Variants in ALKBH7 observed in about 807,000 individuals in gnomAD.
The protein encoded by ALKBH7 is alkB homolog 7, RNA demethylase, also known as RNA demethylase ALKBH7, mitochondrial.
In ALKBH7, 21 loss-of-function variants were observed where a neutral mutation model predicts 19.3. That is an observed-to-expected ratio of 1.09 (90% confidence interval 0.77 to 1.56). ALKBH7 has a LOEUF of 1.56. ALKBH7 is among the 40% of genes most tolerant of loss of function. The pLI, the probability that ALKBH7 is intolerant of heterozygous loss-of-function variation, is 0.00. For synonymous variants in ALKBH7, 147 were observed against 139.5 expected (o/e 1.05, Z -0.38); for missense variants, 354 against 311.4 (o/e 1.14, Z -1.03).
chr19:6,374,601 C>G lies in ALKBH7; in HGVS notation c.503+12C>G. ...CTCTACATCCTTAGGTACCTCCATC[C>G]AGGCAGCACCCACCCCTCCAAGAAT... is the stretch of plus-strand genomic sequence containing the variant. On this transcript the variant is annotated intron_variant, in intron 3 of 3. Transcript: ENST00000245812. The G allele has an allele frequency of 6.2e-7, 1 of 1,612,654 alleles. No individual in the cohort carries two copies. Among genetic ancestry groups the G allele is most frequent in the East Asian group, 2.2e-5 (1 of 44,878 alleles).
rs1381918302 is a variant in ALKBH7, at chr19:6,372,893, G to A, written c.73G>A (p.Val25Met). The A allele has an allele frequency of 1.3e-6, 2 of 1,552,164 alleles. No individual in the cohort carries two copies. Among genetic ancestry groups the A allele is most frequent in the Middle Eastern group, 2.3e-4 (1 of 4,364 alleles). Reference sequence around the variant, plus strand: ...CTGGGTGCGAGGCTCGGGCCCTTCCGTGCTGAGCCGCCTGCAGGACGCGGC... The same window carrying A: ...CTGGGTGCGAGGCTCGGGCCCTTCCATGCTGAGCCGCCTGCAGGACGCGGC... ...PSWVRGSGPSVLSRLQDAAVV... is the reference protein window; with the variant it reads ...PSWVRGSGPSMLSRLQDAAVV... Residue 25 changes from valine to methionine, a missense_variant, in exon 1 of 4, where the codon GTG becomes ATG. Physicochemically the swap from Val to Met is conservative, Grantham distance 21. Coordinates refer to ENST00000245812, the MANE Select transcript of ALKBH7 (RefSeq NM_032306.4).
Position 6,373,882 on chromosome 19 carries a change from G to C in ALKBH7, c.205-321G>C, listed in dbSNP as rs2091906282. ...TTGCGACCTGGGACCAAGGTTAGGG[G>C]CGGAAACGGATGTGGAGCCAGATGA... On this transcript the variant is annotated intron_variant, in intron 1 of 3. Coordinates refer to ENST00000245812, the MANE Select transcript of ALKBH7 (RefSeq NM_032306.4). 3.0e-6 allele frequency: 4 copies of C among 1,330,012 alleles called. No homozygotes were observed. In the African/African-American group the frequency reaches 6.1e-5, roughly 20 times the overall value. The allele number at this position is 1,330,012 out of a possible 1,614,324, so 82.4% of individuals were successfully genotyped here. A position where few individuals can be genotyped will look rare whatever the true frequency, so the allele number is the denominator to read the frequency against.
rs754930429 is a variant in ALKBH7 at position 6,372,838 on chromosome 19, G to C, written c.18G>C (p.Leu6=). The C allele has an allele frequency of 1.3e-6, 2 of 1,546,270 alleles. No homozygotes were observed. The highest frequency in any genetic ancestry group is 2.3e-4 in the Middle Eastern group (1 of 4,366). Residue 6 remains leucine (L), a synonymous_variant, in exon 1 of 4, where the codon CTG becomes CTC. Coordinates refer to ENST00000245812, the MANE Select transcript of ALKBH7 (RefSeq NM_032306.4). ...CCGGGATTATGGCCGGGACTGGGCT[G>C]CTGGCGCTGCGGACGCTGCCAGGGC... MAGTG[L]LALRTLPGPS...
intron 1 of ALKBH7, chr19:6,373,663 G>A (rs1401054443): frequency 8.0e-7 from 1 of 1,247,968 alleles, no homozygotes; most frequent in East Asian, 3.2e-5. Flanking sequence ...GGGAAGTCGA[G>A]GTTTAGAGAG....
At chr19:6,373,102 G>A (rs2091899584) in intron 1 of ALKBH7, 78 bp downstream of exon 1, 1 of 1,479,708 alleles carries the variant, frequency 6.8e-7, no homozygotes. Context: ...ATCAGATGGG[G>A]CGGGGACACG....
rs769790380 is a variant in ALKBH7, at chr19:6,374,257, G to T, written c.259G>T (p.Ala87Ser). Residue 87 changes from alanine (A) to serine (S), a missense_variant, in exon 2 of 4, where the codon GCC (alanine) becomes TCC (serine). Transcript: ENST00000245812. The part of the protein sequence containing the change: ...EKSRWSEASR[A>S]ILQRVQAAAF... The stretch of plus-strand genomic sequence containing the variant: ...GTCGCGCTGGTCAGAAGCCAGCCGG[G>T]CCATCCTGCAGCGCGTGCAGGCGGC... The T allele has an allele frequency of 6.2e-7, 1 of 1,613,508 alleles. No homozygotes were observed. The highest frequency in any genetic ancestry group is 1.1e-5 in the South Asian group (1 of 91,086).
At chr19:6,373,920 G>C (rs2091906547) in intron 1 of ALKBH7, 2 of 985,162 alleles carry the variant, frequency 2.0e-6, no homozygotes, top group African/African-American at 1.7e-5. Context: ...TTGAGAGACA[G>C]AGACAGGACA....
At chr19:6,374,142 C>T (rs2091907774) in intron 1 of ALKBH7, 61 bp from the exon 2 acceptor site, 1 of 1,587,742 alleles carries the variant, frequency 6.3e-7, no homozygotes, top group South Asian at 1.1e-5. Flanking sequence ...TCTGCCCCTC[C>T]TTGCCTCAGT....
In ALKBH7 at chr19:6,374,234, CGCGCTGGTCAGAAG is replaced by C; in HGVS notation, c.237_250del (p.Arg80GlnfsTer84). 1.2e-6 allele frequency: 2 copies of C among 1,613,234 alleles called. No individual in the cohort carries two copies. Among genetic ancestry groups the C allele is most frequent in the Non-Finnish European group, 1.7e-6 (2 of 1,179,756 alleles). ...CACGGCTTCCGAGAGACAGAGAAGT[CGCGCTGGTCAGAAG>C]CCAGCCGGGCCATCCTGCAGCGCGT... is the stretch of plus-strand genomic sequence containing the variant. On this transcript the variant is annotated frameshift_variant, in exon 2 of 4. Transcript: ENST00000245812. LOFTEE classifies it high-confidence loss of function.
At chr19:6,373,738 G>A (rs77630001) in intron 1 of ALKBH7, 106,103 of 1,260,250 alleles carry the variant, frequency 0.084, 5,042 homozygotes, top group Non-Finnish European at 0.096. Context: ...GGCCTTTTTG[G>A]GGTCGGTAGC....
rs1009879215 is a variant in ALKBH7 at position 6,374,877 on chromosome 19, C to A, written c.570C>A (p.Arg190=). 1.2e-6 allele frequency: 2 copies of A among 1,613,998 alleles called. No individual in the cohort carries two copies. Among genetic ancestry groups the A allele is most frequent in the Admixed American group, 3.3e-5 (2 of 60,000 alleles). The part of the protein sequence containing the change: ...LRDEESFFGE[R]RIPRGRRISV... ...ATGAAGAGTCCTTCTTTGGGGAACG[C>A]CGGATTCCCCGGGGCCGGCGCATCT... The change falls in exon 4 of 4, where the codon CGC becomes CGA. Residue 190 remains arginine, a synonymous_variant. Transcript: ENST00000245812.
chr19:6,374,132 T>C, intron 1 of ALKBH7, 71 bp from the exon 2 acceptor site: 1 of 1,584,164 alleles, frequency 6.3e-7, no homozygotes, highest in Non-Finnish European at 8.5e-7. Flanking sequence ...CTTGCCGTTT[T>C]CTGCCCCTCC....
Position 6,372,999 on chromosome 19 carries a change from G to T in ALKBH7, c.179G>T (p.Arg60Leu). Reference sequence around the variant, plus strand: ...CTGGAGCCCGAGCTGCGCCGCCGCCGCTACGAATACGATCACTGGGACGCG... The same window carrying T: ...CTGGAGCCCGAGCTGCGCCGCCGCCTCTACGAATACGATCACTGGGACGCG... Reference protein sequence around the residue: ...RELEPELRRRRYEYDHWDAAI... With the variant: ...RELEPELRRRLYEYDHWDAAI... The change falls in exon 1 of 4, where the codon CGC becomes CTC. Residue 60 changes from arginine to leucine, a missense_variant. Arg to Leu is a moderately radical substitution (Grantham distance 102). Coordinates refer to ENST00000245812, the MANE Select transcript of ALKBH7 (RefSeq NM_032306.4). The T allele has an allele frequency of 6.4e-7, 1 of 1,574,704 alleles. No individual in the cohort carries two copies. The highest frequency in any genetic ancestry group is 8.6e-7 in the Non-Finnish European group (1 of 1,162,686).
At chr19:6,374,026 T>G (rs2091907361) in intron 1 of ALKBH7, 177 bp from the exon 2 acceptor site, 1 of 984,960 alleles carries the variant, frequency 1.0e-6, no homozygotes, top group South Asian at 4.7e-5. Context: ...GGGTGAGTAC[T>G]AAGGACTGAG....
chr19:6,374,679 C>T, intron 3 of ALKBH7, 90 bp downstream of exon 3: 1 of 1,605,030 alleles, frequency 6.2e-7, no homozygotes, highest in African/African-American at 1.3e-5. Flanking sequence ...CCAGCCCTCC[C>T]CGAAGACGCC....
chr19:6,374,415 G>T, intron 2 of ALKBH7, 39 bp downstream of exon 2: 2 of 1,604,568 alleles, frequency 1.2e-6, no homozygotes, highest in Non-Finnish European at 1.7e-6. Flanking sequence ...CCAGCCAGGG[G>T]GTAGGCAGGC....
rs769073259 is a variant in ALKBH7, at chr19:6,372,898, G to A, written c.78G>A (p.Leu26=). The A allele has an allele frequency of 1.9e-6, 3 of 1,553,204 alleles. No individual in the cohort carries two copies. Among genetic ancestry groups the A allele is most frequent in the Non-Finnish European group, 2.6e-6 (3 of 1,151,654 alleles). ...TGCGAGGCTCGGGCCCTTCCGTGCT[G>A]AGCCGCCTGCAGGACGCGGCCGTGG... ...SWVRGSGPSV[L]SRLQDAAVVR... is the part of the protein sequence containing the mutation. The change falls in exon 1 of 4, where the codon CTG becomes CTA. Residue 26 remains leucine, a synonymous_variant. Coordinates refer to ENST00000245812, the MANE Select transcript of ALKBH7 (RefSeq NM_032306.4).
chr19:6,374,243 C>A lies in ALKBH7; in HGVS notation c.245C>A (p.Ser82Ter). 6.2e-7 allele frequency: 1 copy of A among 1,613,310 alleles called. No individual in the cohort carries two copies. Among genetic ancestry groups the A allele is most frequent in the South Asian group, 1.1e-5 (1 of 91,056 alleles). Residue 82 changes from serine to a stop codon, truncating the protein, a stop_gained, in exon 2 of 4, where the codon TCA (serine) becomes TAA (stop). Coordinates refer to ENST00000245812, the MANE Select transcript of ALKBH7 (RefSeq NM_032306.4). LOFTEE classifies it high-confidence loss of function. ...CGAGAGACAGAGAAGTCGCGCTGGT[C>A]AGAAGCCAGCCGGGCCATCCTGCAG... is the stretch of plus-strand genomic sequence containing the variant. Reference protein sequence around the residue: ...GFRETEKSRWSEASRAILQRV... With the variant: ...GFRETEKSRW
At chr19:6,373,259 G>C (rs1334410230) in intron 1 of ALKBH7, among the ~76,000 whole-genome samples, 1 of 146,300 alleles carries the variant, frequency 6.8e-6, no homozygotes, top group Non-Finnish European at 1.5e-5. Context: ...CAGGGGGGTC[G>C]GGCGCAGGGA....
Sources: gnomAD v4.1 joint callset for allele counts (sites outside exome capture counted in the v4.1 genomes callset) on GRCh38, gnomAD v4.1.1 for gene constraint, MANE v1.5 for transcripts, NCBI Gene and HGNC (gene_info 2026-07-23, HGNC 2026-07-21) for gene names.